GPC6: variants seen among roughly 807,000 people sequenced by gnomAD.
GPC6 encodes glypican 6, also known as glypican-6.
In GPC6, 14 loss-of-function variants were observed where a neutral mutation model predicts 55.2. The ratio of observed to expected loss-of-function variants is 0.25; its 90% CI spans 0.17 to 0.40. GPC6 has a LOEUF of 0.40. Ranked by LOEUF, GPC6 falls within the 10% of genes least tolerant of loss-of-function variation. GPC6 has a pLI of 1.00. For synonymous variants in GPC6, 278 were observed against 259.6 expected, an observed-to-expected ratio of 1.07 and a Z score of -0.68; for missense variants, 641 against 708.5, an observed-to-expected ratio of 0.90 and a Z score of 1.08.
chr13:94,073,955 G>T (rs1380316665), intron 4 of GPC6, among the ~76,000 whole-genome samples: 1 of 152,040 alleles, frequency 6.6e-6, no homozygotes, highest in Non-Finnish European at 1.5e-5. Flanking sequence ...AAATAAGTAC[G>T]ATAATATCGT....
chr13:94,248,570 T>C (rs1264720104), intron 4 of GPC6, among the ~76,000 whole-genome samples: 1 of 152,054 alleles, frequency 6.6e-6, no homozygotes, highest in Admixed American at 6.6e-5. Context: ...AAAATAAGTA[T>C]GCAATGCCTT....
chr13:93,265,081 A>G (rs539198110), intron 1 of GPC6, among the ~76,000 whole-genome samples: 8 of 152,230 alleles, frequency 5.3e-5, no homozygotes, highest in Admixed American at 5.2e-4. Context: ...ACATATGGCC[A>G]TAGCTCATTA....
chr13:93,596,774 A>G (rs1283368101), intron 2 of GPC6, among the ~76,000 whole-genome samples: 1 of 148,704 alleles, frequency 6.7e-6, no homozygotes, highest in Non-Finnish European at 1.5e-5. Context: ...GTATATATAC[A>G]CACATACACA....
At chr13:93,270,615 A>G (rs960508547) in intron 1 of GPC6, among the ~76,000 whole-genome samples, 8 of 151,432 alleles carry the variant, frequency 5.3e-5, no homozygotes, top group Non-Finnish European at 8.8e-5. Flanking sequence ...AGAATCCCTT[A>G]TTTAGAAGCC....
chr13:94,362,061 A>G (rs1479979164), intron 6 of GPC6, among the ~76,000 whole-genome samples: 2 of 152,258 alleles, frequency 1.3e-5, no homozygotes, highest in African/African-American at 4.8e-5. Context: ...ATTTTGGAAT[A>G]TTAATGAGAC....
At position 94,232,165 on chromosome 13, in the gene GPC6, TACTG is replaced by T. The variant is rs1488815379; in HGVS notation, c.878-54180_878-54177del. Among the ~76,000 whole-genome samples, 3 of 152,352 alleles carry T rather than the reference TACTG, an allele frequency of 2.0e-5. No individual in the cohort carries two copies. In the East Asian group the frequency reaches 5.8e-4, roughly 29 times the overall value. On this transcript the variant is annotated intron_variant, in intron 4 of 8. Coordinates refer to ENST00000377047, the MANE Select transcript of GPC6 (RefSeq NM_005708.5). Reference sequence around the variant, plus strand: ...GCTTCTTTAAAATCTACTTCTCATGTACTGACTAACCCATTCATTCCTAAAAAGT... The same window carrying T: ...GCTTCTTTAAAATCTACTTCTCATGTACTAACCCATTCATTCCTAAAAAGT...
At chr13:93,297,776 C>T (rs1329069005) in intron 1 of GPC6, among the ~76,000 whole-genome samples, 1 of 151,814 alleles carries the variant, frequency 6.6e-6, no homozygotes, top group African/African-American at 2.4e-5. Flanking sequence ...TACGTATGGT[C>T]TTCTCTCTAG....
chr13:94,144,240 G>C (rs1378462658), intron 4 of GPC6, among the ~76,000 whole-genome samples: 8 of 152,098 alleles, frequency 5.3e-5, no homozygotes, highest in Non-Finnish European at 7.3e-5. Context: ...GGTTGAAATG[G>C]AGACCATATT....
chr13:94,338,718 G>A (rs1433462005), intron 6 of GPC6, among the ~76,000 whole-genome samples: 5 of 152,122 alleles, frequency 3.3e-5, no homozygotes, highest in Non-Finnish European at 4.4e-5. Flanking sequence ...AATGGAGTCC[G>A]AGTGGCCAGA....
At chr13:93,840,311 G>C (rs1356947600) in intron 3 of GPC6, among the ~76,000 whole-genome samples, 1 of 152,042 alleles carries the variant, frequency 6.6e-6, no homozygotes, top group Non-Finnish European at 1.5e-5. Flanking sequence ...AGGCTACTGT[G>C]AACACATTTA....
chr13:94,300,740 G>T lies in GPC6; in HGVS notation c.1009-5240G>T, dbSNP rs186880459. Among the ~76,000 whole-genome samples the T allele has an allele frequency of 3.3e-3, 497 of 152,294 alleles. 4 individuals are homozygous for T. Among genetic ancestry groups the T allele is most frequent in the Non-Finnish European group, 4.3e-3 (295 of 68,024 alleles). ...CATCCCTTGGAGAGAAGCAGGCAGC[G>T]GTCAGGAGGTGGTAATACCGATTCT... On this transcript the variant is annotated intron_variant, in intron 5 of 8. Transcript: ENST00000377047.
At chr13:93,490,528 T>A (rs1879941754) in intron 1 of GPC6, among the ~76,000 whole-genome samples, 1 of 138,168 alleles carries the variant, frequency 7.2e-6, no homozygotes, top group African/African-American at 2.6e-5. Context: ...TTTTTTTTTT[T>A]ATTATTATAC....
intron 6 of GPC6, among the ~76,000 whole-genome samples, chr13:94,358,020 T>C (rs995228093): frequency 1.3e-5 from 2 of 152,126 alleles, no homozygotes; most frequent in Admixed American, 6.5e-5. Flanking sequence ...TTGCCATTGG[T>C]CTTTAAGAGA....
intron 1 of GPC6, among the ~76,000 whole-genome samples, chr13:93,400,408 A>T (rs1876027156): frequency 6.6e-6 from 1 of 151,758 alleles, no homozygotes; most frequent in Admixed American, 6.6e-5. Context: ...CTAAGGATGA[A>T]ATAAATCATC....
At chr13:93,649,370 T>C (rs1328174667) in intron 2 of GPC6, among the ~76,000 whole-genome samples, 1 of 152,192 alleles carries the variant, frequency 6.6e-6, no homozygotes, top group African/African-American at 2.4e-5. Flanking sequence ...GAGGATCGCT[T>C]GAGCCAAGGA....
At chr13:94,237,640 A>G (rs1382605648) in intron 4 of GPC6, among the ~76,000 whole-genome samples, 2 of 152,064 alleles carry the variant, frequency 1.3e-5, no homozygotes. Context: ...AGAGGCCCCA[A>G]TGTGGGGGCA....
rs553959788 is a variant in GPC6 at position 94,320,549 on chromosome 13, C to T, written c.1152+14426C>T. ...TTTCATCTTATCCTAAGGATTTTCC[C>T]TTGGGAACCCCGGCTGTATGTGGTG... On this transcript the variant is annotated intron_variant, in intron 6 of 8. Transcript: ENST00000377047. Among the ~76,000 whole-genome samples the T allele has an allele frequency of 1.4e-4, 21 of 152,160 alleles. 1 individual carries two copies. Among genetic ancestry groups the T allele is most frequent in the African/African-American group, 4.6e-4 (19 of 41,498 alleles).
intron 1 of GPC6, among the ~76,000 whole-genome samples, chr13:93,239,982 C>T (rs1006074250): frequency 6.6e-6 from 1 of 152,084 alleles, no homozygotes; most frequent in South Asian, 2.1e-4. Flanking sequence ...TATTCTGCTG[C>T]AGTCTGAGAA....
chr13:93,882,125 T>C (rs1460081554), intron 3 of GPC6, among the ~76,000 whole-genome samples: 1 of 151,748 alleles, frequency 6.6e-6, no homozygotes, highest in Non-Finnish European at 1.5e-5. Flanking sequence ...TAATTTTTTA[T>C]TTATATTTTT....
Sources: allele counts gnomAD v4.1 joint callset (sites outside exome capture counted in the v4.1 genomes callset), GRCh38; gene constraint gnomAD v4.1.1; transcripts MANE v1.5; gene names NCBI Gene and HGNC (gene_info 2026-07-23, HGNC 2026-07-21).